GRIK2: variants seen among roughly 807,000 people sequenced by gnomAD.
The protein encoded by GRIK2 is glutamate receptor ionotropic, kainate 2.
GRIK2 carries 32 observed loss-of-function variants against 100.3 expected under a neutral mutation model. That is an observed-to-expected ratio of 0.32 (90% CI 0.24 to 0.43). GRIK2 has a LOEUF of 0.43. Ranked by LOEUF, GRIK2 falls within the 20% of genes least tolerant of loss-of-function variation. The pLI, the probability that GRIK2 is intolerant of heterozygous loss-of-function variation, is 1.00. For synonymous variants in GRIK2, 417 were observed against 389.4 expected, an observed-to-expected ratio of 1.07 and a Z score of -0.83; for missense variants, 843 against 1,114.9, an observed-to-expected ratio of 0.76 and a Z score of 3.47.
At chr6:101,801,839 G>A (rs761921296) in intron 8 of GRIK2, among the ~76,000 whole-genome samples, 2 of 151,818 alleles carry the variant, frequency 1.3e-5, no homozygotes, top group African/African-American at 2.4e-5. Flanking sequence ...TTACTTAGTG[G>A]AAAGCTAGGG....
intron 14 of GRIK2, among the ~76,000 whole-genome samples, chr6:102,022,182 T>G: frequency 6.6e-6 from 1 of 150,632 alleles, no homozygotes; most frequent in South Asian, 2.1e-4. Context: ...TATTTATATA[T>G]AAAAATTTAA....
rs776404795 is a variant in GRIK2, at chr6:101,635,378, G to A, written c.541+8741G>A. On this transcript the variant is annotated intron_variant, in intron 4 of 16. Transcript: ENST00000369134. Reference sequence around the variant, plus strand: ...CTCAAGATGGATTAAAGACTTAAACGTAAGACCAAAAACCCTAAAAACCCT... The same window carrying A: ...CTCAAGATGGATTAAAGACTTAAACATAAGACCAAAAACCCTAAAAACCCT... Among the ~76,000 whole-genome samples the A allele has an allele frequency of 7.9e-5, 12 of 151,836 alleles. No individual in the cohort carries two copies. In the East Asian group the frequency reaches 1.5e-3, roughly 20 times the overall value.
intron 2 of GRIK2, among the ~76,000 whole-genome samples, chr6:101,564,971 C>A (rs1167367897): frequency 6.6e-6 from 1 of 152,068 alleles, no homozygotes; most frequent in African/African-American, 2.4e-5. Context: ...TAGTCTCATC[C>A]ATATTCCCCA....
chr6:101,399,923 C>T (rs1377293842), intron 2 of GRIK2, among the ~76,000 whole-genome samples: 1 of 152,226 alleles, frequency 6.6e-6, no homozygotes, highest in Admixed American at 6.5e-5. Flanking sequence ...CGATTGTTTT[C>T]ACCGCTTTTC....
intron 2 of GRIK2, among the ~76,000 whole-genome samples, chr6:101,481,244 T>G (rs1772513322): frequency 1.3e-5 from 2 of 152,164 alleles, no homozygotes; most frequent in Non-Finnish European, 2.9e-5. Context: ...TTAAATGGAA[T>G]ATATAGGCTG....
chr6:101,881,177 C>T (rs1786217010), intron 11 of GRIK2, among the ~76,000 whole-genome samples: 8 of 151,696 alleles, frequency 5.3e-5, no homozygotes, highest in Admixed American at 3.9e-4. Flanking sequence ...TAATGTTTTT[C>T]AAGTACTTGT....
intron 7 of GRIK2, among the ~76,000 whole-genome samples, chr6:101,795,838 C>T (rs530727750): frequency 6.6e-6 from 1 of 152,170 alleles, no homozygotes; most frequent in Non-Finnish European, 1.5e-5. Context: ...TGGGAATAGG[C>T]TGTGGTGAAT....
intron 2 of GRIK2, among the ~76,000 whole-genome samples, chr6:101,497,631 T>C (rs567129760): frequency 4.6e-5 from 7 of 152,264 alleles, no homozygotes; most frequent in African/African-American, 1.7e-4. Context: ...TTTGTTTATA[T>C]ACCTAACATA....
chr6:101,859,385 A>G lies in GRIK2; in HGVS notation c.1416A>G (p.Thr472=), dbSNP rs564808319. Residue 472 remains threonine (T), a synonymous_variant, in exon 11 of 17, where the codon ACA becomes ACG. Coordinates refer to ENST00000369134, the MANE Select transcript of GRIK2 (RefSeq NM_021956.5). ...YCIDLLRELS[T]ILGFTYEIRL... The stretch of plus-strand genomic sequence containing the variant: ...TTGATCTCCTCAGAGAGTTATCTAC[A>G]ATCCTTGGCTTTACATATGAAATTA... 5.6e-6 allele frequency: 9 copies of G among 1,602,130 alleles called. No homozygotes were observed. The African/African-American group carries it at 1.1e-4, about 19-fold the overall frequency.
intron 2 of GRIK2, among the ~76,000 whole-genome samples, chr6:101,408,506 A>G (rs1011412349): frequency 6.6e-6 from 1 of 152,156 alleles, no homozygotes; most frequent in Non-Finnish European, 1.5e-5. Context: ...ACCCAGTGGT[A>G]TAATTCTAGC....
chr6:101,414,824 T>A (rs1036184132), intron 2 of GRIK2, among the ~76,000 whole-genome samples: 1 of 152,164 alleles, frequency 6.6e-6, no homozygotes, highest in East Asian at 1.9e-4. Context: ...AGCTGAAACA[T>A]CTCAGGGTCT....
At chr6:102,043,274 T>TTTACTTATC (rs1770693447) in intron 15 of GRIK2, among the ~76,000 whole-genome samples, 1 of 151,452 alleles carries the variant, frequency 6.6e-6, no homozygotes, top group South Asian at 2.1e-4. Context: ...CCTCAGATAC[T>TTTACTTATC]TTTTTATGGT....
chr6:101,687,603 T>C lies in GRIK2; in HGVS notation c.951+1250T>C, dbSNP rs898673470. On this transcript the variant is annotated intron_variant, in intron 7 of 16. Transcript: ENST00000369134. Reference sequence around the variant, plus strand: ...GGTTTTGTAATACAAATTGAGTGCCTTCATAGAGACTATGAAGAAGAAATG... The same window carrying C: ...GGTTTTGTAATACAAATTGAGTGCCCTCATAGAGACTATGAAGAAGAAATG... Among the ~76,000 whole-genome samples the C allele has an allele frequency of 2.0e-5, 3 of 151,914 alleles. No homozygotes were observed. In the South Asian group the frequency reaches 6.2e-4, roughly 31 times the overall value.
Position 102,021,956 on chromosome 6 carries a change from G to GAA in GRIK2, c.2086-13374_2086-13373dup, listed in dbSNP as rs35132794. Reference sequence around the variant, plus strand: ...CGTGGCCAGGATGCTGATACATTCGGAAAAAAAAAAAACTATGGATATAAA... The same window carrying GAA: ...CGTGGCCAGGATGCTGATACATTCGGAAAAAAAAAAAAAACTATGGATATAAA... On this transcript the variant is annotated intron_variant, in intron 14 of 16. Coordinates refer to ENST00000369134, the MANE Select transcript of GRIK2 (RefSeq NM_021956.5). Among the ~76,000 whole-genome samples the GAA allele has an allele frequency of 1.9e-3, 270 of 140,730 alleles. 1 individual carries two copies. The highest frequency in any genetic ancestry group is 3.7e-3 in the Middle Eastern group (1 of 270). 92.3% of individuals were successfully genotyped at this position (140,730 alleles called of 152,430 possible).
At chr6:101,858,682 C>T (rs1204633545) in intron 10 of GRIK2, among the ~76,000 whole-genome samples, 1 of 151,874 alleles carries the variant, frequency 6.6e-6, no homozygotes, top group Non-Finnish European at 1.5e-5. Context: ...AGCCATGGTG[C>T]CTGGCCTTCT....
intron 2 of GRIK2, among the ~76,000 whole-genome samples, chr6:101,400,108 A>G (rs1775210486): frequency 6.6e-6 from 1 of 151,224 alleles, no homozygotes; most frequent in South Asian, 2.1e-4. Flanking sequence ...TCTGGACGTT[A>G]TGGACTAATT....
At chr6:101,952,097 A>G (rs963669706) in intron 14 of GRIK2, among the ~76,000 whole-genome samples, 1 of 152,184 alleles carries the variant, frequency 6.6e-6, no homozygotes, top group Non-Finnish European at 1.5e-5. Context: ...ACAGTGCCTA[A>G]TCTGTTCTCC....
intron 2 of GRIK2, among the ~76,000 whole-genome samples, chr6:101,560,225 CTAAGTT>C (rs1776937062): frequency 6.6e-6 from 1 of 152,046 alleles, no homozygotes; most frequent in African/African-American, 2.4e-5. Flanking sequence ...TTCTAATATT[CTAAGTT>C]TATTTTCCTT....
chr6:101,655,521 G>A (rs921910163), intron 4 of GRIK2, among the ~76,000 whole-genome samples: 6 of 152,032 alleles, frequency 3.9e-5, no homozygotes, highest in Non-Finnish European at 7.4e-5. Flanking sequence ...TTAAGTCTCT[G>A]TGCCTCATTT....
Sources: allele counts gnomAD v4.1 joint callset (sites outside exome capture counted in the v4.1 genomes callset), GRCh38; gene constraint gnomAD v4.1.1; transcripts MANE v1.5; gene names NCBI Gene and HGNC (gene_info 2026-07-23, HGNC 2026-07-21).